PRDM6: variants seen among roughly 807,000 people sequenced by gnomAD.
PRDM6 encodes the protein PR/SET domain 6, also known as putative histone-lysine N-methyltransferase PRDM6.
Under a neutral mutation model 60.8 loss-of-function variants are expected in PRDM6, and 25 were observed. That is an observed-to-expected ratio of 0.41 (90% CI 0.30 to 0.57). The LOEUF is 0.57. Among genes scored for constraint, PRDM6 ranks in the 20% least tolerant of loss-of-function variants. The pLI, the probability that PRDM6 is intolerant of heterozygous loss-of-function variation, is 0.27. For synonymous variants in PRDM6, 407 were observed against 357.4 expected, an observed-to-expected ratio of 1.14 and a Z score of -1.57; for missense variants, 839 against 821.3, an observed-to-expected ratio of 1.02 and a Z score of -0.26.
At chr5:123,111,710 A>AAC (rs977276967) in intron 3 of PRDM6, among the ~76,000 whole-genome samples, 5 of 115,756 alleles carry the variant, frequency 4.3e-5, no homozygotes, top group Non-Finnish European at 7.9e-5. Context: ...AACAAAACAA[A>AAC]AAAAAAACAA....
intron 3 of PRDM6, among the ~76,000 whole-genome samples, chr5:123,146,508 C>G (rs1409193565): frequency 6.6e-6 from 1 of 152,090 alleles, no homozygotes; most frequent in African/African-American, 2.4e-5. Context: ...TGGTATAAAA[C>G]TAAGGCTTTA....
In PRDM6 at chr5:123,156,271, G is replaced by C. The variant is rs1225858092; in HGVS notation, c.1028+260G>C. 2.6e-5 allele frequency among the ~76,000 whole-genome samples: 4 copies of C among 152,118 alleles called. No individual in the cohort carries two copies. In the East Asian group the frequency reaches 7.7e-4, roughly 29 times the overall value. Reference sequence around the variant, plus strand: ...TGGTGAAGTTACTCCCACATCATTAGAACTTCCAGAATGGTCTGAATGAGC... The same window carrying C: ...TGGTGAAGTTACTCCCACATCATTACAACTTCCAGAATGGTCTGAATGAGC... On this transcript the variant is annotated intron_variant, in intron 4 of 7. Coordinates refer to ENST00000407847, the MANE Select transcript of PRDM6 (RefSeq NM_001136239.4).
intron 3 of PRDM6, among the ~76,000 whole-genome samples, chr5:123,115,694 G>A (rs1356151188): frequency 6.6e-6 from 1 of 152,142 alleles, no homozygotes; most frequent in Non-Finnish European, 1.5e-5. Context: ...ATAAAACCAT[G>A]ATAAGATTTC....
At chr5:123,104,995 A>G (rs1487065718) in intron 3 of PRDM6, among the ~76,000 whole-genome samples, 1 of 152,052 alleles carries the variant, frequency 6.6e-6, no homozygotes, top group South Asian at 2.1e-4. Context: ...AAAAAAAATT[A>G]TAACAGCCAT....
chr5:123,103,320 T>G (rs1355700754), intron 3 of PRDM6, among the ~76,000 whole-genome samples: 1 of 152,040 alleles, frequency 6.6e-6, no homozygotes. Flanking sequence ...AATCAGAATT[T>G]TAATGTGTTT....
intron 3 of PRDM6, among the ~76,000 whole-genome samples, chr5:123,125,902 G>A (rs952730847): frequency 1.3e-5 from 2 of 152,086 alleles, no homozygotes; most frequent in East Asian, 1.9e-4. Context: ...CAGAGATCTT[G>A]GAGAACAACA....
At chr5:123,101,612 C>G (rs562516141) in intron 3 of PRDM6, among the ~76,000 whole-genome samples, 1 of 152,176 alleles carries the variant, frequency 6.6e-6, no homozygotes, top group African/African-American at 2.4e-5. Flanking sequence ...CAAATTTACT[C>G]TACCTGAAAA....
intron 3 of PRDM6, among the ~76,000 whole-genome samples, chr5:123,113,156 A>T (rs906985411): frequency 2.6e-5 from 4 of 152,170 alleles, no homozygotes; most frequent in African/African-American, 9.7e-5. Flanking sequence ...ATTTGTTACA[A>T]TGACTGAACC....
chr5:123,180,862 G>A (rs1766140860), intron 7 of PRDM6, among the ~76,000 whole-genome samples: 1 of 152,162 alleles, frequency 6.6e-6, no homozygotes, highest in African/African-American at 2.4e-5. Flanking sequence ...TGTATACTTT[G>A]GACTTTAGAA....
In PRDM6 at chr5:123,090,229, G is replaced by T. The variant is rs1451451631; in HGVS notation, c.215G>T (p.Arg72Leu). 8.1e-6 allele frequency: 12 copies of T among 1,473,790 alleles called. No individual in the cohort carries two copies. Among genetic ancestry groups the T allele is most frequent in the Non-Finnish European group, 1.1e-5 (12 of 1,113,428 alleles). The allele number at this position is 1,473,790 out of a possible 1,614,324, so 91.3% of individuals were successfully genotyped here. The change falls in exon 2 of 8, where the codon CGG becomes CTG. Residue 72 changes from arginine to leucine, a missense_variant. This residue lies in a region of PRDM6 where 730 missense variants were observed against 648.8 expected (regional missense o/e 1.13). Transcript: ENST00000407847. ...CCTCCGCCGGACAGCCTGCGCCCGC[G>T]GCCCGCCTCTCTCTCCTCCGCCTCG... Reference protein sequence around the residue: ...AEPPPDSLRPRPASLSSASST... With the variant: ...AEPPPDSLRPLPASLSSASST...
chr5:123,168,654 G>T (rs113396944), intron 5 of PRDM6, among the ~76,000 whole-genome samples: 92 of 152,336 alleles, frequency 6.0e-4, no homozygotes, highest in African/African-American at 2.0e-3. Flanking sequence ...TCCTGTGTGA[G>T]TCTAATGTGC....
chr5:123,177,529 A>G (rs1441392551), intron 6 of PRDM6, among the ~76,000 whole-genome samples: 5 of 152,170 alleles, frequency 3.3e-5, no homozygotes, highest in African/African-American at 9.7e-5. Flanking sequence ...GTTTGGTCCT[A>G]TATTTTGGTA....
At chr5:123,105,461 A>T (rs1018970104) in intron 3 of PRDM6, among the ~76,000 whole-genome samples, 5 of 152,222 alleles carry the variant, frequency 3.3e-5, no homozygotes, top group Non-Finnish European at 7.3e-5. Context: ...ATTTGAGAAT[A>T]TCTATTGTGT....
rs574332806 is a variant in PRDM6 at position 123,161,399 on chromosome 5, T to A, written c.1153+1761T>A. On this transcript the variant is annotated intron_variant, in intron 5 of 7. Coordinates refer to ENST00000407847, the MANE Select transcript of PRDM6 (RefSeq NM_001136239.4). Reference sequence around the variant, plus strand: ...AACAGATATATAAGTGAATAAATAGTTGGTCAGATGGTGATAAGTGTTGTG... The same window carrying A: ...AACAGATATATAAGTGAATAAATAGATGGTCAGATGGTGATAAGTGTTGTG... 9.2e-5 allele frequency among the ~76,000 whole-genome samples: 14 copies of A among 152,196 alleles called. No individual in the cohort carries two copies. In the South Asian group the frequency reaches 2.9e-3, roughly 32 times the overall value.
rs1488165103 is a variant in PRDM6 at position 123,188,606 on chromosome 5, A to G, written c.*1405A>G. 1 of 152,160 alleles carries G rather than the reference A, an allele frequency of 6.6e-6. No homozygotes were observed. Among genetic ancestry groups the G allele is most frequent in the Non-Finnish European group, 1.5e-5 (1 of 68,024 alleles). The allele number at this position is 152,160 out of a possible 1,614,324, so 9.4% of individuals were successfully genotyped here. A position where few individuals can be genotyped will look rare whatever the true frequency, so the allele number is the denominator to read the frequency against. On this transcript the variant is annotated 3_prime_UTR_variant, in exon 8 of 8. Transcript: ENST00000407847. Reference sequence around the variant, plus strand: ...TGTTCAGTTTTATCTAGAGTGTTTAATAACAACAGTTTCTGTTTGTAAATT... The same window carrying G: ...TGTTCAGTTTTATCTAGAGTGTTTAGTAACAACAGTTTCTGTTTGTAAATT...
chr5:123,185,476 C>T lies in PRDM6; in HGVS notation c.1674-1611C>T, dbSNP rs141005843. ...CTCTGGAGAGGGGATGAGCTGCCCA[C>T]GGACGTTAATGAATACACCAAAAAT... On this transcript the variant is annotated intron_variant, in intron 7 of 7. Coordinates refer to ENST00000407847, the MANE Select transcript of PRDM6 (RefSeq NM_001136239.4). Among the ~76,000 whole-genome samples the T allele has an allele frequency of 2.7e-4, 41 of 152,256 alleles. No individual in the cohort carries two copies. In the East Asian group the frequency reaches 5.8e-3, roughly 21 times the overall value.
At chr5:123,177,464 A>G (rs7703292) in intron 6 of PRDM6, among the ~76,000 whole-genome samples, 45,785 of 152,130 alleles carry the variant, frequency 0.3, 7,227 homozygotes, top group East Asian at 0.59. Flanking sequence ...TTATTTTTCA[A>G]TGTACCTAAG....
chr5:123,102,699 T>G (rs1484822686), intron 3 of PRDM6, among the ~76,000 whole-genome samples: 2 of 152,142 alleles, frequency 1.3e-5, no homozygotes, highest in Middle Eastern at 3.2e-3. Flanking sequence ...CTTCCTCACA[T>G]TTTTTCAAGT....
intron 5 of PRDM6, among the ~76,000 whole-genome samples, chr5:123,169,093 T>C (rs1429390811): frequency 6.6e-6 from 1 of 152,242 alleles, no homozygotes; most frequent in African/African-American, 2.4e-5. Flanking sequence ...TTTTGTTACT[T>C]GCTATCACAG....
Sources: allele counts gnomAD v4.1 joint callset (sites outside exome capture counted in the v4.1 genomes callset), GRCh38; gene constraint gnomAD v4.1.1; regional missense constraint gnomAD v4.1.1; transcripts MANE v1.5; gene names NCBI Gene and HGNC (gene_info 2026-07-23, HGNC 2026-07-21).